SFXN5: variants seen among roughly 807,000 people sequenced by gnomAD.
The protein encoded by SFXN5 is sideroflexin-5.
SFXN5 carries 43 observed loss-of-function variants against 50.2 expected under a neutral mutation model. That is an observed-to-expected ratio of 0.86 (90% confidence interval 0.67 to 1.11). The LOEUF (loss-of-function observed/expected upper bound fraction) is 1.11, where lower values mean the gene tolerates loss of function less well. SFXN5 is among the 50% of genes least tolerant of loss of function. The probability of loss-of-function intolerance (pLI) is 0.00; values close to 1 mark genes in which losing one functional copy is unlikely to be tolerated. For synonymous variants in SFXN5, 203 were observed against 185.8 expected (o/e 1.09, Z -0.75); for missense variants, 463 against 454.1 (o/e 1.02, Z -0.18).
chr2:73,028,719 A>G (rs904393235), intron 3 of SFXN5, among the ~76,000 whole-genome samples: 43 of 152,174 alleles, frequency 2.8e-4, no homozygotes, highest in Middle Eastern at 3.2e-3. Flanking sequence ...GGAGGACCCC[A>G]GTGAAACAGA....
intron 1 of SFXN5, among the ~76,000 whole-genome samples, chr2:73,066,514 T>C (rs1683187555): frequency 6.6e-6 from 1 of 151,092 alleles, no homozygotes; most frequent in Non-Finnish European, 1.5e-5. Context: ...GCTGACATCA[T>C]GCCACTGCAC....
Position 72,944,729 on chromosome 2 carries a change from C to G in SFXN5, c.*293G>C. 1 of 374,824 alleles carries G rather than the reference C, an allele frequency of 2.7e-6. No homozygotes were observed. The highest frequency in any genetic ancestry group is 4.8e-6 in the Non-Finnish European group (1 of 208,502). The allele number at this position is 374,824 out of a possible 1,614,324, so 23.2% of individuals were successfully genotyped here. ...ATTCTACTTCTACCCCATGGGCACT[C>G]TACAATTTTTCAGCTTCACACATAA... On this transcript the variant is annotated 3_prime_UTR_variant, in exon 14 of 14. Transcript: ENST00000272433.
intron 3 of SFXN5, among the ~76,000 whole-genome samples, chr2:73,032,440 G>A (rs1678432163): frequency 6.6e-6 from 1 of 152,256 alleles, no homozygotes; most frequent in Admixed American, 6.5e-5. Context: ...CATGGAGCAG[G>A]TGTGGAGAAG....
intron 12 of SFXN5, among the ~76,000 whole-genome samples, chr2:72,967,907 G>C (rs1674633040): frequency 6.6e-6 from 1 of 152,164 alleles, no homozygotes; most frequent in Non-Finnish European, 1.5e-5. Context: ...TCACAGTCAT[G>C]ACAGATATGA....
rs978492327 is a variant in SFXN5 at position 73,041,522 on chromosome 2, T to C, written c.172-591A>G. 5 of 280,414 alleles carry C rather than the reference T, an allele frequency of 1.8e-5. No individual in the cohort carries two copies. In the East Asian group the frequency reaches 4.6e-4, roughly 26 times the overall value. The allele number at this position is 280,414 out of a possible 1,614,324, so 17.4% of individuals were successfully genotyped here. A position where few individuals can be genotyped will look rare whatever the true frequency, so the allele number is the denominator to read the frequency against. The stretch of plus-strand genomic sequence containing the variant: ...CTGACCAACATGGTGAAACCCTGTC[T>C]CTACTAAAAATACAAACATTAGCTG... On this transcript the variant is annotated intron_variant, in intron 2 of 13. Coordinates refer to ENST00000272433, the MANE Select transcript of SFXN5 (RefSeq NM_144579.3).
At chr2:73,039,581 A>G (rs1373613588) in intron 3 of SFXN5, among the ~76,000 whole-genome samples, 1 of 152,188 alleles carries the variant, frequency 6.6e-6, no homozygotes, top group Non-Finnish European at 1.5e-5. Context: ...GGATGATAAG[A>G]GAGCTGAATC....
intron 6 of SFXN5, among the ~76,000 whole-genome samples, chr2:73,014,144 T>C (rs1675878113): frequency 6.6e-6 from 1 of 152,176 alleles, no homozygotes; most frequent in African/African-American, 2.4e-5. Context: ...ACTGATTCAT[T>C]TTCTTGTTGA....
chr2:72,980,338 C>G (rs946675895), intron 10 of SFXN5, among the ~76,000 whole-genome samples: 1 of 152,192 alleles, frequency 6.6e-6, no homozygotes, highest in Non-Finnish European at 1.5e-5. Context: ...AGGCATATTA[C>G]CACCTTTACA....
At position 73,059,121 on chromosome 2, in the gene SFXN5, C is replaced by T. The variant is rs368894230; in HGVS notation, c.103-525G>A. On this transcript the variant is annotated intron_variant, in intron 1 of 13. Transcript: ENST00000272433. ...TCCTCAGGCCCTCCTTCACCCACAG[C>T]CCTGTAGCTGCTGAAGTGCAGGACA... 1.0e-5 allele frequency: 10 copies of T among 982,912 alleles called. No individual in the cohort carries two copies. The East Asian group carries it at 4.5e-4, about 44-fold the overall frequency. The allele number at this position is 982,912 out of a possible 1,614,324, so 60.9% of individuals were successfully genotyped here. A position where few individuals can be genotyped will look rare whatever the true frequency, so the allele number is the denominator to read the frequency against.
intron 6 of SFXN5, among the ~76,000 whole-genome samples, chr2:73,007,639 C>G (rs966878380): frequency 1.3e-5 from 2 of 152,106 alleles, no homozygotes; most frequent in East Asian, 3.9e-4. Flanking sequence ...CCCACATACC[C>G]GGGAGCCTCC....
At chr2:73,005,476 A>G (rs1176704495) in intron 6 of SFXN5, among the ~76,000 whole-genome samples, 1 of 152,184 alleles carries the variant, frequency 6.6e-6, no homozygotes, top group African/African-American at 2.4e-5. Flanking sequence ...TCACCTGTTA[A>G]GTGAAGGACA....
At chr2:72,962,600 C>A (rs977918429) in intron 12 of SFXN5, among the ~76,000 whole-genome samples, 2 of 152,248 alleles carry the variant, frequency 1.3e-5, no homozygotes, top group African/African-American at 4.8e-5. Flanking sequence ...GACCACACTT[C>A]TGATAAACCC....
At chr2:73,002,775 T>G (rs1674074304) in intron 6 of SFXN5, among the ~76,000 whole-genome samples, 1 of 152,144 alleles carries the variant, frequency 6.6e-6, no homozygotes, top group Non-Finnish European at 1.5e-5. Flanking sequence ...AATTATGAGA[T>G]TTTTCCCCCA....
chr2:72,977,826 T>G (rs530560214), intron 10 of SFXN5, among the ~76,000 whole-genome samples: 27 of 152,116 alleles, frequency 1.8e-4, no homozygotes, highest in African/African-American at 6.3e-4. Context: ...ATACAAAAAT[T>G]AGTCGGGCAT....
In SFXN5 at chr2:72,953,509, C is replaced by G. The variant is rs1233872202; in HGVS notation, c.945+7622G>C. Reference sequence around the variant, plus strand: ...GAAGAGTGGGAGAAGCAGGGACCAACAAAGTCAAGGTGAACCCAGATGAGC... The same window carrying G: ...GAAGAGTGGGAGAAGCAGGGACCAAGAAAGTCAAGGTGAACCCAGATGAGC... On this transcript the variant is annotated intron_variant, in intron 13 of 13. Transcript: ENST00000272433. The surrounding 1 kb of genome is among the most constrained non-coding windows in gnomAD (Gnocchi z 4.1). 2.6e-5 allele frequency among the ~76,000 whole-genome samples: 4 copies of G among 152,132 alleles called. No homozygotes were observed. The highest frequency in any genetic ancestry group is 9.7e-5 in the African/African-American group (4 of 41,412).
intron 6 of SFXN5, among the ~76,000 whole-genome samples, 189 bp from the exon 7 acceptor site, chr2:73,001,767 A>G (rs1673945497): frequency 6.6e-6 from 1 of 152,202 alleles, no homozygotes; most frequent in Non-Finnish European, 1.5e-5. Flanking sequence ...TTGCAGAATT[A>G]TATTACAGCA....
chr2:73,008,979 G>A (rs896101925), intron 6 of SFXN5, among the ~76,000 whole-genome samples: 2 of 152,146 alleles, frequency 1.3e-5, no homozygotes, highest in African/African-American at 4.8e-5. Flanking sequence ...TGGAAACAGC[G>A]TAGGGGTCAA....
At chr2:73,000,353 G>T in intron 8 of SFXN5, 78 bp downstream of exon 8, 1 of 1,362,624 alleles carries the variant, frequency 7.3e-7, no homozygotes, top group Non-Finnish European at 1.0e-6. Flanking sequence ...ACTGATGGTG[G>T]CATGTCACGC....
At chr2:73,047,320 TATATATATGTGTATATATATGTAC>T (rs1365491826) in intron 2 of SFXN5, among the ~76,000 whole-genome samples, 18 of 53,438 alleles carry the variant, frequency 3.4e-4, no homozygotes, top group East Asian at 2.4e-3. Flanking sequence ...TGTGTGTATG[TATATATATGTGTATATATATGTAC>T]ATATATATGT....
Sources: allele counts gnomAD v4.1 joint callset (sites outside exome capture counted in the v4.1 genomes callset), GRCh38; gene constraint gnomAD v4.1.1; non-coding constraint Gnocchi (gnomAD v3.1); transcripts MANE v1.5; gene names NCBI Gene and HGNC (gene_info 2026-07-23, HGNC 2026-07-21).